Variants in RAB11A observed in about 807,000 individuals in gnomAD.
The protein encoded by RAB11A is RAB11A, member RAS oncogene family.
Under a neutral mutation model 28.0 loss-of-function variants are expected in RAB11A, and 9 were observed. That is an observed-to-expected ratio of 0.32 (90% CI 0.19 to 0.56). The LOEUF is 0.56. RAB11A is among the 20% of genes least tolerant of loss of function. RAB11A has a pLI of 0.91. For missense variants in RAB11A, 108 were observed against 269.6 expected, an observed-to-expected ratio of 0.40 and a Z score of 4.20; for synonymous variants, 85 against 88.2, an observed-to-expected ratio of 0.96 and a Z score of 0.20.
chr15:65,887,629 C>G, intron 4 of RAB11A, 72 bp from the exon 5 acceptor site: 1 of 1,400,766 alleles, frequency 7.1e-7, no homozygotes, highest in Non-Finnish European at 9.6e-7. Context: ...TATCTCCTAC[C>G]TTTATGTATC....
At chr15:65,871,487 G>A (rs977539904) in intron 1 of RAB11A, among the ~76,000 whole-genome samples, 1 of 152,216 alleles carries the variant, frequency 6.6e-6, no homozygotes, top group Non-Finnish European at 1.5e-5. Flanking sequence ...TAATGGTAGT[G>A]TGCTTTTATA....
chr15:65,876,747 G>A (rs1044241386), intron 1 of RAB11A, among the ~76,000 whole-genome samples: 6 of 152,118 alleles, frequency 3.9e-5, no homozygotes, highest in Non-Finnish European at 8.8e-5. Context: ...TTTAGTTTCT[G>A]TGATCTGTAT....
chr15:65,879,595 TC>T, intron 3 of RAB11A, 75 bp from the exon 4 acceptor site: 1 of 1,133,936 alleles, frequency 8.8e-7, no homozygotes, highest in Non-Finnish European at 1.3e-6. Context: ...CTGTTATTTT[TC>T]CTTTTGAGGG....
rs960951891 is a variant in RAB11A, at chr15:65,877,110, T to C, written c.41-222T>C. Among the ~76,000 whole-genome samples, 1 of 152,238 alleles carries C rather than the reference T, an allele frequency of 6.6e-6. No homozygotes were observed. The highest frequency in any genetic ancestry group is 3.2e-3 in the Middle Eastern group (1 of 316). The stretch of plus-strand genomic sequence containing the variant: ...CTAAGCAGATGATATGTGGAAGTCA[T>C]GCAGGTAGAAACAGGTTGAAAAGAA... On this transcript the variant is annotated intron_variant, in intron 1 of 4. Transcript: ENST00000261890. This position sits in a 1 kb window ranked among gnomAD's most constrained non-coding sequence, Gnocchi z 4.1.
intron 1 of RAB11A, among the ~76,000 whole-genome samples, chr15:65,873,535 TTATATC>T (rs368765480): frequency 0.011 from 1,747 of 152,124 alleles, 24 homozygotes; most frequent in Middle Eastern, 0.034. Context: ...ATTGTATGCA[TTATATC>T]TATATCTATA....
At chr15:65,878,673 G>A (rs1400444987) in intron 3 of RAB11A, among the ~76,000 whole-genome samples, 4 of 152,160 alleles carry the variant, frequency 2.6e-5, no homozygotes, top group African/African-American at 4.8e-5. Context: ...GCGAGACTCC[G>A]TCCCAAAAAA....
chr15:65,877,705 C>G lies in RAB11A; in HGVS notation c.237-57C>G. On this transcript the variant is annotated intron_variant, in intron 2 of 4. Transcript: ENST00000261890. The surrounding 1 kb of genome is among the most constrained non-coding windows in gnomAD (Gnocchi z 4.1). ...CTCATGATCCATATTTTGAGTTCTT[C>G]CTGGTGTTTGCTTCCATCTTGTGGT... The G allele has an allele frequency of 7.0e-7, 1 of 1,431,624 alleles. No individual in the cohort carries two copies. The highest frequency in any genetic ancestry group is 9.5e-7 in the Non-Finnish European group (1 of 1,051,224). 88.7% of individuals were successfully genotyped at this position (1,431,624 alleles called of 1,614,324 possible). A position where few individuals can be genotyped will look rare whatever the true frequency, so the allele number is the denominator to read the frequency against.
Position 65,877,972 on chromosome 15 carries a change from C to T in RAB11A, c.430+17C>T. ...CTTTTGCAGGTTAGTGATAGGAATT[C>T]CATGATATTTCTTACCATTGTGTCT... On this transcript the variant is annotated intron_variant, in intron 3 of 4. Transcript: ENST00000261890. This position sits in a 1 kb window ranked among gnomAD's most constrained non-coding sequence, Gnocchi z 4.1. 1 of 1,596,000 alleles carries T rather than the reference C, an allele frequency of 6.3e-7. No homozygotes were observed. The highest frequency in any genetic ancestry group is 8.6e-7 in the Non-Finnish European group (1 of 1,163,642).
At chr15:65,882,423 G>C (rs902799903) in intron 4 of RAB11A, among the ~76,000 whole-genome samples, 6 of 152,142 alleles carry the variant, frequency 3.9e-5, no homozygotes, top group Non-Finnish European at 7.3e-5. Flanking sequence ...GAGTATTTAC[G>C]TTGTGTTTTG....
At chr15:65,874,283 A>G (rs113003509) in intron 1 of RAB11A, among the ~76,000 whole-genome samples, 10 of 151,196 alleles carry the variant, frequency 6.6e-5, no homozygotes, top group South Asian at 2.1e-4. Flanking sequence ...CTGGAGTGCA[A>G]TGGCGCGATT....
Position 65,877,992 on chromosome 15 carries a change from G to A in RAB11A, c.430+37G>A, listed in dbSNP as rs181841907. ...GAATTCCATGATATTTCTTACCATT[G>A]TGTCTTGTGGTTTTGATACCTTCCA... On this transcript the variant is annotated intron_variant, in intron 3 of 4. Coordinates refer to ENST00000261890, the MANE Select transcript of RAB11A (RefSeq NM_004663.5). This position sits in a 1 kb window ranked among gnomAD's most constrained non-coding sequence, Gnocchi z 4.1. 1 of 1,561,964 alleles carries A rather than the reference G, an allele frequency of 6.4e-7. No individual in the cohort carries two copies. Among genetic ancestry groups the A allele is most frequent in the East Asian group, 2.2e-5 (1 of 44,600 alleles).
chr15:65,883,421 T>C (rs531722044), intron 4 of RAB11A, among the ~76,000 whole-genome samples: 5 of 152,334 alleles, frequency 3.3e-5, no homozygotes, highest in South Asian at 4.1e-4. Flanking sequence ...TTATACACTT[T>C]TGGCAGGAAC....
At position 65,887,705 on chromosome 15, in the gene RAB11A, T is replaced by G. The variant is rs1429663909; in HGVS notation, c.516T>G (p.Ile172Met). ...GTGGTTTCTTTTTTCCTTCAGAGATTTACCGCATTGTTTCTCAGAAGCAAA... is the reference window on the plus strand; with the variant it reads ...GTGGTTTCTTTTTTCCTTCAGAGATGTACCGCATTGTTTCTCAGAAGCAAA... ...EAAFQTILTE[I>M]YRIVSQKQMS... The change falls in exon 5 of 5, where the codon ATT (isoleucine) becomes ATG (methionine). Residue 172 changes from isoleucine to methionine, a missense_variant. By Grantham distance (10) the Ile-to-Met change is conservative. Coordinates refer to ENST00000261890, the MANE Select transcript of RAB11A (RefSeq NM_004663.5). 6.2e-7 allele frequency: 1 copy of G among 1,611,448 alleles called. No homozygotes were observed. Among genetic ancestry groups the G allele is most frequent in the Non-Finnish European group, 8.5e-7 (1 of 1,178,762 alleles).
At chr15:65,878,099 G>A (rs2078200076) in intron 3 of RAB11A, 144 bp downstream of exon 3, 2 of 883,650 alleles carry the variant, frequency 2.3e-6, no homozygotes, top group African/African-American at 1.7e-5. Context: ...TGTGATGACT[G>A]TATAGCTTTT....
chr15:65,876,456 C>T (rs934063413), intron 1 of RAB11A, among the ~76,000 whole-genome samples: 1 of 152,068 alleles, frequency 6.6e-6, no homozygotes, highest in Non-Finnish European at 1.5e-5. Flanking sequence ...ACCACCACAC[C>T]TGGCTAATTT....
At chr15:65,874,227 CT>C (rs1005009654) in intron 1 of RAB11A, among the ~76,000 whole-genome samples, 558 of 141,106 alleles carry the variant, frequency 4.0e-3, no homozygotes, top group African/African-American at 6.4e-3. Flanking sequence ...TAGTTGATAA[CT>C]TTTTTTTTTT....
At position 65,891,130 on chromosome 15, in the gene RAB11A, T is replaced by C. The variant is rs2078292310; in HGVS notation, c.*3290T>C. 6.6e-6 allele frequency: 1 copy of C among 152,218 alleles called. No homozygotes were observed. Among genetic ancestry groups the C allele is most frequent in the Non-Finnish European group, 1.5e-5 (1 of 68,036 alleles). The allele number at this position is 152,218 out of a possible 1,614,324, so 9.4% of individuals were successfully genotyped here. On this transcript the variant is annotated 3_prime_UTR_variant, in exon 5 of 5. Coordinates refer to ENST00000261890, the MANE Select transcript of RAB11A (RefSeq NM_004663.5). ...TGGTGCCACGCCCCTTTCTGGGATT[T>C]GACAAGTCTTTCCCACTCACCTATA...
chr15:65,871,919 GTTTTTTTTTTTT>G (rs960414631), intron 1 of RAB11A, among the ~76,000 whole-genome samples: 92 of 72,060 alleles, frequency 1.3e-3, no homozygotes, highest in African/African-American at 3.5e-3. Context: ...GGTTTTGTCA[GTTTTTTTTTTTT>G]TTTTTTTTTT....
chr15:65,877,357 T>C lies in RAB11A; in HGVS notation c.66T>C (p.Val22=). 6.2e-7 allele frequency: 1 copy of C among 1,613,570 alleles called. No individual in the cohort carries two copies. Among genetic ancestry groups the C allele is most frequent in the Non-Finnish European group, 8.5e-7 (1 of 1,179,676 alleles). Residue 22 remains valine, a synonymous_variant, in exon 2 of 5, where the codon GTT becomes GTC. Coordinates refer to ENST00000261890, the MANE Select transcript of RAB11A (RefSeq NM_004663.5). This position sits in a 1 kb window ranked among gnomAD's most constrained non-coding sequence, Gnocchi z 4.1. The stretch of plus-strand genomic sequence containing the variant: ...TTGTCCTTATTGGAGATTCTGGTGT[T>C]GGAAAGAGTAATCTCCTGTCTCGAT... The part of the protein sequence containing the change: ...FKVVLIGDSG[V]GKSNLLSRFT...
Sources: gnomAD v4.1 joint callset for allele counts (sites outside exome capture counted in the v4.1 genomes callset) on GRCh38, gnomAD v4.1.1 for gene constraint, Gnocchi (gnomAD v3.1) non-coding constraint, MANE v1.5 for transcripts, NCBI Gene and HGNC (gene_info 2026-07-23, HGNC 2026-07-21) for gene names.